The following RACGAP1 variants were observed in gnomAD, a reference collection of about 807,000 sequenced individuals.
RACGAP1 encodes rac GTPase-activating protein 1.
Under a neutral mutation model 78.1 loss-of-function variants are expected in RACGAP1, and 30 were observed. That is an observed-to-expected ratio of 0.38 (90% CI 0.29 to 0.52). The LOEUF (loss-of-function observed/expected upper bound fraction) is 0.52. RACGAP1 is among the 20% of genes least tolerant of loss of function. The probability of loss-of-function intolerance (pLI) is 0.82; values close to 1 mark genes in which losing one functional copy is unlikely to be tolerated. For missense variants in RACGAP1, 587 were observed against 777.1 expected, an observed-to-expected ratio of 0.76 and a Z score of 2.91; for synonymous variants, 231 against 264.8, an observed-to-expected ratio of 0.87 and a Z score of 1.24.
intron 9 of RACGAP1, 26 bp from the exon 10 acceptor site, chr12:49,997,230 CAG>C (rs761619533): frequency 2.0e-6 from 3 of 1,485,098 alleles, no homozygotes; most frequent in East Asian, 2.5e-5. Flanking sequence ...GCAGAAGGAA[CAG>C]AGTGATATGA....
intron 1 of RACGAP1, chr12:50,017,063 A>C (rs1351631727): frequency 9.7e-7 from 1 of 1,032,414 alleles, no homozygotes; most frequent in African/African-American, 1.7e-5. Context: ...CCTATTGATT[A>C]ATATAATAAT....
intron 3 of RACGAP1, 32 bp from the exon 4 acceptor site, chr12:50,005,424 C>T (rs760356986): frequency 6.2e-7 from 1 of 1,611,474 alleles, no homozygotes; most frequent in South Asian, 1.1e-5. Context: ...AACATCATAA[C>T]TAGCCAGGGG....
chr12:49,994,644 A>C lies in RACGAP1; in HGVS notation c.1045-135T>G. ...TCTACTTTTACATTCCTATTCCCAAAGCATATATTAAAACAGAGACTCTCA... is the reference window on the plus strand; with the variant it reads ...TCTACTTTTACATTCCTATTCCCAACGCATATATTAAAACAGAGACTCTCA... On this transcript the variant is annotated intron_variant, in intron 10 of 16. Coordinates refer to ENST00000312377, the MANE Select transcript of RACGAP1 (RefSeq NM_001319999.2). 4 of 1,364,328 alleles carry C rather than the reference A, an allele frequency of 2.9e-6. No homozygotes were observed. In the South Asian group the frequency reaches 4.6e-5, roughly 16 times the overall value. 84.5% of individuals were successfully genotyped at this position (1,364,328 alleles called of 1,614,324 possible).
rs541497875 is a variant in RACGAP1 at position 50,009,792 on chromosome 12, C to T, written c.86-3156G>A. On this transcript the variant is annotated intron_variant, in intron 2 of 16. Coordinates refer to ENST00000312377, the MANE Select transcript of RACGAP1 (RefSeq NM_001319999.2). ...TGCCCCCAGAACAGAGGCATTCCTGCCTTCTCACTTGTGACCAAGCTATGC... is the reference window on the plus strand; with the variant it reads ...TGCCCCCAGAACAGAGGCATTCCTGTCTTCTCACTTGTGACCAAGCTATGC... Among the ~76,000 whole-genome samples, 18 of 152,342 alleles carry T rather than the reference C, an allele frequency of 1.2e-4. No individual in the cohort carries two copies. In the South Asian group the frequency reaches 3.5e-3, roughly 30 times the overall value.
intron 2 of RACGAP1, among the ~76,000 whole-genome samples, chr12:50,012,041 T>C (rs7304543): frequency 0.072 from 10,920 of 151,556 alleles, 1,329 homozygotes; most frequent in African/African-American, 0.25. Flanking sequence ...GGTAGGAGGA[T>C]TGCTTGAGCC....
At position 49,992,059 on chromosome 12, in the gene RACGAP1, G is replaced by T. The variant is rs149906700; in HGVS notation, c.1653C>A (p.Asp551Glu). 1.2e-5 allele frequency: 20 copies of T among 1,613,994 alleles called. No homozygotes were observed. The highest frequency in any genetic ancestry group is 1.6e-5 in the Non-Finnish European group (19 of 1,180,036). Residue 551 changes from aspartate (D) to glutamate (E), a missense_variant, in exon 15 of 17, where the codon GAC becomes GAA. Coordinates refer to ENST00000312377, the MANE Select transcript of RACGAP1 (RefSeq NM_001319999.2). Reference sequence around the variant, plus strand: ...TTGAGTTTTCAATGACATGTAGGGGGTCAATGTTCTCTTGCTCCACCATCA... The same window carrying T: ...TTGAGTTTTCAATGACATGTAGGGGTTCAATGTTCTCTTGCTCCACCATCA... ...QFMMVEQENI[D>E]PLHVIENSNA...
chr12:50,022,747 A>G (rs1453263891), intron 1 of RACGAP1, among the ~76,000 whole-genome samples: 1 of 152,172 alleles, frequency 6.6e-6, no homozygotes, highest in Non-Finnish European at 1.5e-5. Flanking sequence ...TTTTGCTTCT[A>G]TCATGTTTCC....
In RACGAP1 at chr12:49,996,613, C is replaced by T. The variant is rs143221207; in HGVS notation, c.1044+427G>A. ...CTGACATCCTGCCAGTGCACTCCAG[C>T]CTAGGCAATAGAGCTAAAAAAAAAA... On this transcript the variant is annotated intron_variant, in intron 10 of 16. Coordinates refer to ENST00000312377, the MANE Select transcript of RACGAP1 (RefSeq NM_001319999.2). Among the ~76,000 whole-genome samples, 160 of 86,036 alleles carry T rather than the reference C, an allele frequency of 1.9e-3. 1 individual carries two copies. Among genetic ancestry groups the T allele is most frequent in the African/African-American group, 5.5e-3 (131 of 23,684 alleles). The allele number at this position is 86,036 out of a possible 152,430, so 56.4% of individuals were successfully genotyped here.
chr12:49,990,725 C>T lies in RACGAP1; in HGVS notation c.1782G>A (p.Leu594=). Residue 594 remains leucine (L), a synonymous_variant, in exon 16 of 17, where the codon CTG becomes CTA. Coordinates refer to ENST00000312377, the MANE Select transcript of RACGAP1 (RefSeq NM_001319999.2). The part of the protein sequence containing the change: ...QLLKTPSSSS[L]SQRVRSTLTK... ...TGAGGGTGGAACGGACTCTCTGTGA[C>T]AGGGAACTAGATGAAGGAGTCTTGA... The T allele has an allele frequency of 5.6e-6, 9 of 1,613,996 alleles. No homozygotes were observed. Among genetic ancestry groups the T allele is most frequent in the Non-Finnish European group, 7.6e-6 (9 of 1,179,950 alleles).
Position 49,997,134 on chromosome 12 carries a change from C to T in RACGAP1, c.950G>A (p.Arg317Gln), listed in dbSNP as rs756383824. 3.1e-6 allele frequency: 5 copies of T among 1,610,736 alleles called. No individual in the cohort carries two copies. Among genetic ancestry groups the T allele is most frequent in the East Asian group, 2.2e-5 (1 of 44,774 alleles). ...IKFGKLSLKC[R>Q]DCRVVSHPEC... ...TGGATGAGAGACCACACGACAGTCT[C>T]GACACTTCAGAGATAATTTGCCAAA... is the stretch of plus-strand genomic sequence containing the variant. Residue 317 changes from arginine (R) to glutamine (Q), a missense_variant, in exon 10 of 17, where the codon CGA becomes CAA. Transcript: ENST00000312377.
In RACGAP1 at chr12:49,992,058, G is replaced by A. The variant is rs778472178; in HGVS notation, c.1654C>T (p.Pro552Ser). The change falls in exon 15 of 17, where the codon CCC becomes TCC. Residue 552 changes from proline to serine, a missense_variant. Physicochemically the swap from Pro to Ser is moderately conservative, Grantham distance 74. Transcript: ENST00000312377. ...FMMVEQENID[P>S]LHVIENSNAF... ...TTTGAGTTTTCAATGACATGTAGGG[G>A]GTCAATGTTCTCTTGCTCCACCATC... 1.1e-5 allele frequency: 17 copies of A among 1,614,004 alleles called. No individual in the cohort carries two copies. In the East Asian group the frequency reaches 3.8e-4, roughly 36 times the overall value.
rs1490264588 is a variant in RACGAP1 at position 49,989,978 on chromosome 12, TC to T, written c.*289del. ...TAAGCCAAAGGAACAATAACCCCCT[TC>T]CCCAAAAAGAATCACAACCAATTCC... On this transcript the variant is annotated 3_prime_UTR_variant, in exon 17 of 17. Transcript: ENST00000312377. 9.4e-6 allele frequency: 3 copies of T among 320,408 alleles called. No individual in the cohort carries two copies. The highest frequency in any genetic ancestry group is 6.3e-5 in the African/African-American group (3 of 47,300). 19.8% of individuals were successfully genotyped at this position (320,408 alleles called of 1,614,324 possible). A position where few individuals can be genotyped will look rare whatever the true frequency, so the allele number is the denominator to read the frequency against.
intron 1 of RACGAP1, among the ~76,000 whole-genome samples, chr12:50,020,263 C>CA (rs60117218): frequency 0.74 from 111,931 of 151,922 alleles, 47,333 homozygotes; most frequent in Non-Finnish European, 0.93. Context: ...CCGCAACTTC[C>CA]ATTTTCAGGG....
intron 1 of RACGAP1, 58 bp downstream of exon 1, chr12:50,025,340 C>CT: frequency 1.0e-6 from 1 of 985,848 alleles, no homozygotes; most frequent in Non-Finnish European, 1.2e-6. Flanking sequence ...CACGAACACT[C>CT]TGCTTCCTAT....
At chr12:50,001,495 A>C (rs1948674065) in intron 6 of RACGAP1, among the ~76,000 whole-genome samples, 1 of 152,212 alleles carries the variant, frequency 6.6e-6, no homozygotes, top group Admixed American at 6.5e-5. Context: ...AGCTATGGAG[A>C]AATTTAGATG....
chr12:50,024,359 G>A (rs140523205), intron 1 of RACGAP1, among the ~76,000 whole-genome samples: 2 of 152,284 alleles, frequency 1.3e-5, no homozygotes, highest in East Asian at 3.9e-4. Context: ...CACGTCTTTT[G>A]CAGCAACATG....
At position 49,990,741 on chromosome 12, in the gene RACGAP1, GGAGTCTT is replaced by G; in HGVS notation, c.1759_1765del (p.Lys587LeufsTer31). 6.2e-7 allele frequency: 1 copy of G among 1,614,048 alleles called. No individual in the cohort carries two copies. Among genetic ancestry groups the G allele is most frequent in the Non-Finnish European group, 8.5e-7 (1 of 1,179,964 alleles). On this transcript the variant is annotated frameshift_variant, in exon 16 of 17. Coordinates refer to ENST00000312377, the MANE Select transcript of RACGAP1 (RefSeq NM_001319999.2). LOFTEE classifies it high-confidence loss of function. Reference sequence around the variant, plus strand: ...TCTCTGTGACAGGGAACTAGATGAAGGAGTCTTGAGAAGCTGATGTTCAGGAGTGGTC... The same window carrying G: ...TCTCTGTGACAGGGAACTAGATGAAGGAGAAGCTGATGTTCAGGAGTGGTC...
At position 49,992,044 on chromosome 12, in the gene RACGAP1, A is replaced by C. The variant is rs1475064111; in HGVS notation, c.1668T>G (p.Ile556Met). The C allele has an allele frequency of 6.2e-7, 1 of 1,614,126 alleles. No individual in the cohort carries two copies. Among genetic ancestry groups the C allele is most frequent in the Admixed American group, 1.7e-5 (1 of 60,004 alleles). ...EQENIDPLHV[I>M]ENSNAFSTPQ... ...GTGTTGAAAAGGCATTTGAGTTTTC[A>C]ATGACATGTAGGGGGTCAATGTTCT... The change falls in exon 15 of 17, where the codon ATT becomes ATG. Residue 556 changes from isoleucine to methionine, a missense_variant. Ile to Met is a conservative substitution (Grantham distance 10). Coordinates refer to ENST00000312377, the MANE Select transcript of RACGAP1 (RefSeq NM_001319999.2).
intron 1 of RACGAP1, among the ~76,000 whole-genome samples, chr12:50,020,324 C>A (rs1949936763): frequency 1.4e-5 from 2 of 142,054 alleles, no homozygotes; most frequent in African/African-American, 5.2e-5. Context: ...ATTACAGGTG[C>A]CCACCACCAG....
Sources: allele counts gnomAD v4.1 joint callset (sites outside exome capture counted in the v4.1 genomes callset), GRCh38; gene constraint gnomAD v4.1.1; transcripts MANE v1.5; gene names NCBI Gene and HGNC (gene_info 2026-07-23, HGNC 2026-07-21).